Variants in RHCE observed in about 807,000 individuals in gnomAD.
RHCE encodes blood group Rh(CE) polypeptide.
A neutral mutation model predicts 43.8 loss-of-function variants in RHCE; 22 were observed. The ratio of observed to expected loss-of-function variants is 0.50; its 90% CI spans 0.36 to 0.72. RHCE has a LOEUF of 0.72. Ranked by LOEUF, RHCE falls within the 30% of genes least tolerant of loss-of-function variation. RHCE has a pLI of 0.00. For synonymous variants in RHCE, 156 were observed against 210.7 expected (o/e 0.74, Z 2.25); for missense variants, 385 against 525.4 (o/e 0.73, Z 2.61).
intron 5 of RHCE, among the ~76,000 whole-genome samples, chr1:25,390,236 C>T (rs1161472121): frequency 1.3e-5 from 2 of 152,232 alleles, no homozygotes; most frequent in African/African-American, 4.8e-5. Context: ...ATTTACTCCC[C>T]GTTAAGCACT....
At chr1:25,394,831 TG>T in intron 3 of RHCE, among the ~76,000 whole-genome samples, 1 of 152,250 alleles carries the variant, frequency 6.6e-6, no homozygotes, top group Middle Eastern at 3.4e-3. Flanking sequence ...AAAGAACACT[TG>T]GGGATTCTTG....
At chr1:25,417,463 G>A (rs1385920969) in intron 1 of RHCE, among the ~76,000 whole-genome samples, 1 of 152,160 alleles carries the variant, frequency 6.6e-6, no homozygotes, top group Non-Finnish European at 1.5e-5. Flanking sequence ...AAGGCAGAGT[G>A]AAACTTCTCC....
chr1:25,393,696 C>G (rs1646451390), intron 3 of RHCE, among the ~76,000 whole-genome samples: 1 of 151,948 alleles, frequency 6.6e-6, no homozygotes, highest in Non-Finnish European at 1.5e-5. Flanking sequence ...TCCCATGTCA[C>G]TCAAAGTCAA....
At chr1:25,403,007 A>C (rs1646807277) in intron 2 of RHCE, among the ~76,000 whole-genome samples, 5 of 142,534 alleles carry the variant, frequency 3.5e-5, no homozygotes, top group Admixed American at 3.5e-4. Flanking sequence ...TTCATCTATG[A>C]GGCATTGATC....
intron 6 of RHCE, among the ~76,000 whole-genome samples, chr1:25,386,115 C>T (rs1262545962): frequency 2.0e-5 from 3 of 152,194 alleles, no homozygotes; most frequent in Non-Finnish European, 4.4e-5. Context: ...ACGGACCACA[C>T]TATGAGTAGC....
intron 1 of RHCE, among the ~76,000 whole-genome samples, chr1:25,415,451 G>A (rs1484590905): frequency 8.5e-5 from 13 of 152,152 alleles, no homozygotes; most frequent in Admixed American, 3.9e-4. Flanking sequence ...TTGGGAGTTC[G>A]AGACCAGCCT....
chr1:25,386,721 C>T (rs1646175742), intron 6 of RHCE, among the ~76,000 whole-genome samples: 1 of 152,184 alleles, frequency 6.6e-6, no homozygotes, highest in Non-Finnish European at 1.5e-5. Context: ...ACTCAGGAGG[C>T]TGAGGCAGGA....
intron 2 of RHCE, among the ~76,000 whole-genome samples, chr1:25,406,351 C>T (rs1241994388): frequency 1.6e-5 from 2 of 121,324 alleles, no homozygotes; most frequent in African/African-American, 2.5e-5. Flanking sequence ...CTCACTCTGT[C>T]GCCCAGGCTA....
chr1:25,385,066 G>C (rs1646109785), intron 7 of RHCE, among the ~76,000 whole-genome samples: 1 of 152,134 alleles, frequency 6.6e-6, no homozygotes, highest in Admixed American at 6.5e-5. Context: ...ACAACATCCA[G>C]GAAGTAATGG....
rs1000013500 is a variant in RHCE at position 25,374,589 on chromosome 1, C to T, written c.1153+760G>A. ...CTGCTGCTCCTTCTCACTCCATTCACACCAACCACACTGGTCTCCTTACTG... is the reference window on the plus strand; with the variant it reads ...CTGCTGCTCCTTCTCACTCCATTCATACCAACCACACTGGTCTCCTTACTG... On this transcript the variant is annotated intron_variant, in intron 8 of 9. Transcript: ENST00000294413. Among the ~76,000 whole-genome samples, 5 of 139,868 alleles carry T rather than the reference C, an allele frequency of 3.6e-5. 1 individual carries two copies. The East Asian group carries it at 6.5e-4, about 18-fold the overall frequency. 91.8% of individuals were successfully genotyped at this position (139,868 alleles called of 152,430 possible).
At chr1:25,419,312 T>C (rs2042698593) in intron 1 of RHCE, among the ~76,000 whole-genome samples, 2 of 152,208 alleles carry the variant, frequency 1.3e-5, no homozygotes, top group Non-Finnish European at 2.9e-5. Flanking sequence ...TTGTATTGGA[T>C]TGAAATGAAT....
At chr1:25,421,597 C>G (rs1290219384), upstream of RHCE, among the ~76,000 whole-genome samples, 2 of 152,192 alleles carry the variant, frequency 1.3e-5, no homozygotes, top group Non-Finnish European at 2.9e-5. Context: ...CTCAGCATCC[C>G]CATCCCTCAG....
chr1:25,380,155 G>A (rs941974717), intron 7 of RHCE, among the ~76,000 whole-genome samples: 4 of 142,906 alleles, frequency 2.8e-5, no homozygotes, highest in African/African-American at 1.0e-4. Flanking sequence ...CAGTGGAACA[G>A]GCATAGGACA....
upstream of RHCE, among the ~76,000 whole-genome samples, chr1:25,425,818 C>T (rs1210550149): frequency 2.6e-5 from 4 of 152,140 alleles, 1 homozygote; most frequent in African/African-American, 7.2e-5. Context: ...TGGCAGTGAC[C>T]AATGAGGTAG....
intron 2 of RHCE, among the ~76,000 whole-genome samples, chr1:25,405,268 G>C (rs2124486962): frequency 6.6e-6 from 1 of 152,306 alleles, no homozygotes; most frequent in South Asian, 2.1e-4. Flanking sequence ...TGAGGCAGGA[G>C]GATCACCTGA....
chr1:25,425,386 A>C (rs2042797863), upstream of RHCE, among the ~76,000 whole-genome samples: 1 of 152,230 alleles, frequency 6.6e-6, no homozygotes, highest in Non-Finnish European at 1.5e-5. Context: ...ACTGCTGCTC[A>C]GAGAGGTGGC....
At chr1:25,397,462 C>A (rs1314505345) in intron 3 of RHCE, among the ~76,000 whole-genome samples, 18 of 149,624 alleles carry the variant, frequency 1.2e-4, no homozygotes, top group African/African-American at 3.2e-4. Context: ...GCAACATTGC[C>A]ATCCAGCCTG....
At chr1:25,400,423 C>G (rs1286141105) in intron 3 of RHCE, among the ~76,000 whole-genome samples, 19 of 151,690 alleles carry the variant, frequency 1.3e-4, no homozygotes, top group African/African-American at 3.6e-4. Context: ...TCACGCTCTC[C>G]TGGGCTTCCT....
chr1:25,414,972 T>C lies in RHCE; in HGVS notation c.148+5667A>G, dbSNP rs138555177. Among the ~76,000 whole-genome samples the C allele has an allele frequency of 5.8e-3, 884 of 152,206 alleles. 16 individuals carry two copies. The highest frequency in any genetic ancestry group is 0.02 in the African/African-American group (837 of 41,518). ...TGGCTGTTATGCAGCAATAGGTAAT[T>C]GATACTCTCTGCTTCCCCTAAGCAT... On this transcript the variant is annotated intron_variant, in intron 1 of 9. Transcript: ENST00000294413.
Sources: gnomAD v4.1 joint callset for allele counts (sites outside exome capture counted in the v4.1 genomes callset) on GRCh38, gnomAD v4.1.1 for gene constraint, MANE v1.5 for transcripts, NCBI Gene and HGNC (gene_info 2026-07-23, HGNC 2026-07-21) for gene names.